Variants in TRPC4 observed in about 807,000 individuals in gnomAD.
The protein encoded by TRPC4 is short transient receptor potential channel 4.
A neutral mutation model predicts 99.4 loss-of-function variants in TRPC4; 49 were observed. The observed-to-expected ratio is 0.49, with a 90% CI of 0.39 to 0.63. The LOEUF is 0.63. Among genes scored for constraint, TRPC4 ranks in the 20% least tolerant of loss-of-function variants. The probability of loss-of-function intolerance (pLI) is 0.00; values close to 1 mark genes in which losing one functional copy is unlikely to be tolerated. For synonymous variants in TRPC4, 454 were observed against 425.9 expected, an observed-to-expected ratio of 1.07 and a Z score of -0.81; for missense variants, 898 against 1,152.9, an observed-to-expected ratio of 0.78 and a Z score of 3.20.
At chr13:37,790,532 T>G (rs955054700) in intron 1 of TRPC4, among the ~76,000 whole-genome samples, 7 of 152,204 alleles carry the variant, frequency 4.6e-5, no homozygotes, top group Non-Finnish European at 8.8e-5. Context: ...AATTTCTGCA[T>G]GTCTGTTTAG....
At chr13:37,649,941 C>A (rs569224948) in intron 8 of TRPC4, among the ~76,000 whole-genome samples, 20 of 152,220 alleles carry the variant, frequency 1.3e-4, no homozygotes, top group Admixed American at 3.9e-4. Context: ...CAGATACATT[C>A]TCAAACTGTA....
intron 1 of TRPC4, among the ~76,000 whole-genome samples, chr13:37,799,241 A>C (rs924607515): frequency 3.9e-5 from 6 of 152,026 alleles, no homozygotes; most frequent in African/African-American, 1.4e-4. Flanking sequence ...GCCTAAAGGG[A>C]AGTAATCTTT....
intron 5 of TRPC4, among the ~76,000 whole-genome samples, chr13:37,667,638 A>G (rs1952691386): frequency 6.6e-6 from 1 of 152,146 alleles, no homozygotes; most frequent in Non-Finnish European, 1.5e-5. Flanking sequence ...GAACCCAACC[A>G]GCCCATGTCA....
At chr13:37,723,312 G>T (rs918456108) in intron 3 of TRPC4, among the ~76,000 whole-genome samples, 1 of 151,994 alleles carries the variant, frequency 6.6e-6, no homozygotes, top group African/African-American at 2.4e-5. Flanking sequence ...CTCTATAAGG[G>T]TTGTCTACAA....
At chr13:37,770,888 G>A (rs988198487) in intron 2 of TRPC4, among the ~76,000 whole-genome samples, 1 of 151,518 alleles carries the variant, frequency 6.6e-6, no homozygotes, top group African/African-American at 2.4e-5. Flanking sequence ...CCCAAACCAC[G>A]AAATAGTTTA....
chr13:37,763,480 C>A (rs1956279388), intron 2 of TRPC4, among the ~76,000 whole-genome samples: 1 of 151,430 alleles, frequency 6.6e-6, no homozygotes, highest in Admixed American at 6.6e-5. Flanking sequence ...ATGAATGAAT[C>A]CCCTAGGCAA....
At chr13:37,673,081 G>T (rs1374275508) in intron 5 of TRPC4, among the ~76,000 whole-genome samples, 1 of 147,674 alleles carries the variant, frequency 6.8e-6, no homozygotes, top group Non-Finnish European at 1.5e-5. Context: ...ATCTCCTAGT[G>T]CTATCCCTCC....
chr13:37,800,623 T>C (rs1459567319), intron 1 of TRPC4, among the ~76,000 whole-genome samples: 4 of 152,088 alleles, frequency 2.6e-5, no homozygotes, highest in African/African-American at 9.7e-5. Context: ...CCAAATGTAA[T>C]ATATAGGTAT....
At chr13:37,680,810 C>T (rs777926938) in intron 4 of TRPC4, among the ~76,000 whole-genome samples, 43 of 152,202 alleles carry the variant, frequency 2.8e-4, no homozygotes, top group Non-Finnish European at 1.5e-4. Context: ...GACTGATCTA[C>T]GTAATCTTTA....
intron 1 of TRPC4, among the ~76,000 whole-genome samples, chr13:37,788,953 A>C (rs1044001474): frequency 6.6e-6 from 1 of 151,950 alleles, no homozygotes; most frequent in Non-Finnish European, 1.5e-5. Flanking sequence ...GCATTCCCTC[A>C]CTAAAATGTT....
intron 2 of TRPC4, among the ~76,000 whole-genome samples, chr13:37,777,141 T>C (rs1378619690): frequency 1.3e-5 from 2 of 152,008 alleles, no homozygotes; most frequent in Non-Finnish European, 2.9e-5. Context: ...AAATATACTT[T>C]CTTTTGCTCT....
At chr13:37,853,256 A>G (rs1959103152) in intron 1 of TRPC4, among the ~76,000 whole-genome samples, 1 of 152,202 alleles carries the variant, frequency 6.6e-6, no homozygotes, top group Non-Finnish European at 1.5e-5. Flanking sequence ...CAGCCCAGAA[A>G]GAAAGAGACT....
chr13:37,848,659 G>A (rs1566221411), intron 1 of TRPC4, among the ~76,000 whole-genome samples: 2 of 152,092 alleles, frequency 1.3e-5, no homozygotes, highest in Admixed American at 6.6e-5. Flanking sequence ...CGCAAGCCTA[G>A]TTAGGAGATG....
intron 5 of TRPC4, 136 bp downstream of exon 5, chr13:37,674,092 C>A: frequency 1.3e-6 from 1 of 777,996 alleles, no homozygotes; most frequent in South Asian, 2.8e-5. Flanking sequence ...ATATATCTAT[C>A]AATAAAACCA....
chr13:37,786,749 C>T (rs1428151677), intron 1 of TRPC4, among the ~76,000 whole-genome samples: 1 of 152,012 alleles, frequency 6.6e-6, no homozygotes, highest in Non-Finnish European at 1.5e-5. Context: ...TTTAAGAATG[C>T]TTTCATTTCA....
At chr13:37,823,864 G>A (rs1017176735) in intron 1 of TRPC4, among the ~76,000 whole-genome samples, 1,636 of 150,584 alleles carry the variant, frequency 0.011, 23 homozygotes, top group African/African-American at 0.038. Flanking sequence ...ACCTTGGGCA[G>A]TATGGCCATT....
chr13:37,767,072 T>C (rs753444587), intron 2 of TRPC4, among the ~76,000 whole-genome samples: 1 of 151,410 alleles, frequency 6.6e-6, no homozygotes, highest in African/African-American at 2.4e-5. Context: ...TATGACTCTT[T>C]AGTTGAACAC....
intron 1 of TRPC4, among the ~76,000 whole-genome samples, chr13:37,816,832 A>G (rs79689270): frequency 0.022 from 3,408 of 151,994 alleles, 116 homozygotes; most frequent in African/African-American, 0.078. Context: ...ACTCATTCAT[A>G]TTAAATATGC....
At chr13:37,842,187 A>G (rs1958749492) in intron 1 of TRPC4, among the ~76,000 whole-genome samples, 1 of 150,496 alleles carries the variant, frequency 6.6e-6, no homozygotes, top group Admixed American at 6.6e-5. Context: ...GGAGAAATGC[A>G]TGAACCCAGG....
Sources: gnomAD v4.1 joint callset for allele counts (sites outside exome capture counted in the v4.1 genomes callset) on GRCh38, gnomAD v4.1.1 for gene constraint, MANE v1.5 for transcripts, NCBI Gene and HGNC (gene_info 2026-07-23, HGNC 2026-07-21) for gene names.